FAM13B: variants seen among roughly 807,000 people sequenced by gnomAD.
FAM13B encodes family with sequence similarity 13 member B.
In FAM13B, 60 loss-of-function variants were observed where a neutral mutation model predicts 117.3. The ratio of observed to expected loss-of-function variants is 0.51; its 90% confidence interval spans 0.42 to 0.63. The LOEUF is 0.63. FAM13B is among the 30% of genes least tolerant of loss of function. The pLI is 0.00. For missense variants in FAM13B, 972 were observed against 1,091.9 expected (o/e 0.89, Z 1.55); for synonymous variants, 332 against 356.1 (o/e 0.93, Z 0.76).
intron 10 of FAM13B, among the ~76,000 whole-genome samples, chr5:137,982,722 C>T (rs775769077): frequency 6.6e-6 from 1 of 152,174 alleles, no homozygotes; most frequent in Non-Finnish European, 1.5e-5. Flanking sequence ...TTTCATCAAA[C>T]CAAAGCATTA....
chr5:138,018,485 C>G lies in FAM13B; in HGVS notation c.187G>C (p.Val63Leu). The G allele has an allele frequency of 1.2e-6, 2 of 1,614,128 alleles. No homozygotes were observed. The highest frequency in any genetic ancestry group is 2.2e-5 in the South Asian group (2 of 91,082). ...GGLEQQGLFQVNGNAETVEWL... is the reference protein window; with the variant it reads ...GGLEQQGLFQLNGNAETVEWL... ...TCCACTGTCTCAGCATTTCCATTGA[C>G]TTGAAAAAGTCCTTGTTGCTCCAGA... Residue 63 changes from valine to leucine, a missense_variant, in exon 4 of 24, where the codon GTC (valine) becomes CTC (leucine). Physicochemically the swap from Val to Leu is conservative, Grantham distance 32. Coordinates refer to ENST00000689681, the MANE Select transcript of FAM13B (RefSeq NM_001385994.1).
chr5:137,968,802 G>A (rs949564313), intron 10 of FAM13B, among the ~76,000 whole-genome samples: 2 of 152,206 alleles, frequency 1.3e-5, no homozygotes, highest in South Asian at 2.1e-4. Flanking sequence ...CTCGGGAAGC[G>A]CAAGGGGTCA....
chr5:137,954,135 T>C (rs1347991682), intron 15 of FAM13B, 31 bp downstream of exon 15: 1 of 1,536,540 alleles, frequency 6.5e-7, no homozygotes. Flanking sequence ...TAATAGGAAT[T>C]GCCTCTTGTA....
chr5:137,953,203 C>CA (rs1223658062), intron 16 of FAM13B, 133 bp downstream of exon 16: 46 of 958,664 alleles, frequency 4.8e-5, no homozygotes, highest in Non-Finnish European at 2.9e-5. Context: ...CTCAGATCTA[C>CA]ATGATCACTG....
In FAM13B at chr5:138,018,313, T is replaced by A. The variant is rs775026600; in HGVS notation, c.359A>T (p.Gln120Leu). The change falls in exon 4 of 24, where the codon CAG becomes CTG. Residue 120 changes from glutamine (Q) to leucine (L), a missense_variant. Coordinates refer to ENST00000689681, the MANE Select transcript of FAM13B (RefSeq NM_001385994.1). Reference protein sequence around the residue: ...IPGSLHIHLMQLSQDYNNEDE... With the variant: ...IPGSLHIHLMLLSQDYNNEDE... ...TCAAATTATGTTACCTTGAGAAAGC[T>A]GCATCAAGTGAATATGTAAACTGCC... The A allele has an allele frequency of 6.2e-7, 1 of 1,613,670 alleles. No individual in the cohort carries two copies. Among genetic ancestry groups the A allele is most frequent in the South Asian group, 1.1e-5 (1 of 91,064 alleles).
In FAM13B at chr5:137,938,148, A is replaced by G. The variant is rs897478565; in HGVS notation, c.*2077T>C. On this transcript the variant is annotated 3_prime_UTR_variant, in exon 24 of 24. Transcript: ENST00000689681. ...CAGCTACTGCTCAACTATGACACAC[A>G]ATACTGTCACAGAGCATAAGTGCTG... 1 of 152,468 alleles carries G rather than the reference A, an allele frequency of 6.6e-6. No individual in the cohort carries two copies. The highest frequency in any genetic ancestry group is 1.5e-5 in the Non-Finnish European group (1 of 68,020). 9.4% of individuals were successfully genotyped at this position (152,468 alleles called of 1,614,324 possible).
intron 11 of FAM13B, among the ~76,000 whole-genome samples, chr5:137,960,717 C>T (rs1409007012): frequency 6.6e-6 from 1 of 152,088 alleles, no homozygotes; most frequent in Non-Finnish European, 1.5e-5. Context: ...ACTTCCAAAC[C>T]TTTCCCTCCT....
intron 1 of FAM13B, among the ~76,000 whole-genome samples, chr5:138,022,527 C>T (rs1048435273): frequency 2.5e-4 from 38 of 152,206 alleles, no homozygotes; most frequent in Admixed American, 7.2e-4. Flanking sequence ...AAACCACATT[C>T]CCATAACAAA....
At position 137,943,050 on chromosome 5, in the gene FAM13B, T is replaced by C. The variant is rs200219284; in HGVS notation, c.2425-12A>G. 9.9e-6 allele frequency: 16 copies of C among 1,612,732 alleles called. No homozygotes were observed. The highest frequency in any genetic ancestry group is 1.3e-5 in the African/African-American group (1 of 74,844). ...TCTTCTTCTTCCTCCTAAAAAGATA[T>C]CCAAACAGAGAATCAAACATGCCTT... is the stretch of plus-strand genomic sequence containing the variant. On this transcript the variant is annotated splice_polypyrimidine_tract_variant and intron_variant, in intron 21 of 23. Transcript: ENST00000689681.
rs79543971 is a variant in FAM13B, at chr5:138,018,976, C to T, written c.136G>A (p.Val46Met). ...ATACCATGTTCCTCAATATAGTCCA[C>T]AACGTGGCGGACTATGAATGGAACC... ...NEVPFIVRHV[V>M]DYIEEHGGLE... is the part of the protein sequence containing the mutation. The change falls in exon 3 of 24, where the codon GTG becomes ATG. Residue 46 changes from valine to methionine, a missense_variant. Coordinates refer to ENST00000689681, the MANE Select transcript of FAM13B (RefSeq NM_001385994.1). 3,170 of 1,614,032 alleles carry T rather than the reference C, an allele frequency of 2.0e-3. 5 individuals carry two copies. The highest frequency in any genetic ancestry group is 2.3e-3 in the Non-Finnish European group (2,740 of 1,179,974).
intron 1 of FAM13B, among the ~76,000 whole-genome samples, chr5:138,032,259 A>G (rs1400847065): frequency 1.3e-5 from 2 of 152,204 alleles, no homozygotes; most frequent in African/African-American, 4.8e-5. Flanking sequence ...GCCCCAGTGC[A>G]CCAACAGCCC....
chr5:137,987,930 A>G (rs1021921307), intron 8 of FAM13B, among the ~76,000 whole-genome samples: 7 of 152,214 alleles, frequency 4.6e-5, no homozygotes, highest in Non-Finnish European at 1.0e-4. Flanking sequence ...TCAAAGCTAT[A>G]CTTATAAAGC....
intron 6 of FAM13B, 69 bp from the exon 7 acceptor site, chr5:138,007,216 T>A (rs1181648608): frequency 3.3e-6 from 4 of 1,219,806 alleles, no homozygotes; most frequent in Non-Finnish European, 4.4e-6. Flanking sequence ...GACATACTAT[T>A]CTATGAAAAT....
intron 13 of FAM13B, among the ~76,000 whole-genome samples, chr5:137,956,753 A>G (rs1370699544): frequency 7.0e-6 from 1 of 142,368 alleles, no homozygotes; most frequent in Non-Finnish European, 1.6e-5. Flanking sequence ...AAGCAATGCA[A>G]AAAAGGGGGG....
intron 10 of FAM13B, among the ~76,000 whole-genome samples, chr5:137,970,464 T>C (rs1055114380): frequency 2.0e-5 from 3 of 151,726 alleles, no homozygotes; most frequent in Non-Finnish European, 2.9e-5. Flanking sequence ...AAGGAAGCGC[T>C]AAACATGGAA....
At chr5:137,953,080 G>A (rs1047449392) in intron 16 of FAM13B, among the ~76,000 whole-genome samples, 1 of 152,164 alleles carries the variant, frequency 6.6e-6, no homozygotes, top group African/African-American at 2.4e-5. Context: ...TCAATGTAAA[G>A]TATTTGCTTT....
Position 137,956,503 on chromosome 5 carries a change from G to A in FAM13B, c.1481C>T (p.Thr494Ile). ...CTCCCCATCTCTCTGCAGATGCATT[G>A]TTTTGAAATCAATGAGGGGAAAAGT... ...PITFPLIDFK[T>I]MHLQRDGEEP... The change falls in exon 14 of 24, where the codon ACA (threonine) becomes ATA (isoleucine). Residue 494 changes from threonine to isoleucine, a missense_variant. Coordinates refer to ENST00000689681, the MANE Select transcript of FAM13B (RefSeq NM_001385994.1). 6.2e-7 allele frequency: 1 copy of A among 1,601,360 alleles called. No individual in the cohort carries two copies.
intron 1 of FAM13B, among the ~76,000 whole-genome samples, chr5:138,048,721 T>C (rs2151132758): frequency 6.6e-6 from 1 of 152,280 alleles, no homozygotes; most frequent in Admixed American, 6.5e-5. Context: ...AAGTAGAAGG[T>C]ATATAGGGTT....
intron 10 of FAM13B, among the ~76,000 whole-genome samples, chr5:137,968,750 G>A (rs553059027): frequency 3.3e-5 from 5 of 152,298 alleles, no homozygotes; most frequent in South Asian, 4.1e-4. Context: ...CAGTGGGTGC[G>A]TGCATCGTGC....
Sources: gnomAD v4.1 joint callset for allele counts (sites outside exome capture counted in the v4.1 genomes callset) on GRCh38, gnomAD v4.1.1 for gene constraint, MANE v1.5 for transcripts, NCBI Gene and HGNC (gene_info 2026-07-23, HGNC 2026-07-21) for gene names.